NCALD: variants seen among roughly 807,000 people sequenced by gnomAD.
NCALD encodes neurocalcin delta.
Under a neutral mutation model 18.6 loss-of-function variants are expected in NCALD, and 10 were observed. That is an observed-to-expected ratio of 0.54 (90% CI 0.33 to 0.91). NCALD has a LOEUF of 0.91. NCALD is among the 40% of genes least tolerant of loss of function. NCALD has a pLI of 0.03. For missense variants in NCALD, 184 were observed against 247.6 expected, an observed-to-expected ratio of 0.74 and a Z score of 1.72; for synonymous variants, 88 against 87.4, an observed-to-expected ratio of 1.01 and a Z score of -0.04.
At position 101,688,061 on chromosome 8, in the gene NCALD, T is replaced by C. The variant is rs1814543006; in HGVS notation, c.*1248A>G. On this transcript the variant is annotated 3_prime_UTR_variant, in exon 4 of 4. Transcript: ENST00000220931. ...TATTCCAGACCTGGCTCCCTAACCA[T>C]GCACATAGATTAAACCACTGGGAAG... 6.6e-6 allele frequency: 1 copy of C among 152,308 alleles called. No homozygotes were observed. The highest frequency in any genetic ancestry group is 1.5e-5 in the Non-Finnish European group (1 of 68,130). The allele number at this position is 152,308 out of a possible 1,614,324, so 9.4% of individuals were successfully genotyped here. A position where few individuals can be genotyped will look rare whatever the true frequency, so the allele number is the denominator to read the frequency against.
At chr8:101,803,028 G>A (rs1456365844) in intron 4 of NCALD, among the ~76,000 whole-genome samples, 1 of 151,978 alleles carries the variant, frequency 6.6e-6, no homozygotes, top group Admixed American at 6.6e-5. Context: ...GATTTTCAAT[G>A]TGGATGAAAT....
At chr8:102,015,555 A>G (rs1485388168) in intron 2 of NCALD, among the ~76,000 whole-genome samples, 1 of 152,226 alleles carries the variant, frequency 6.6e-6, no homozygotes. Flanking sequence ...ACACAGTTCT[A>G]CATCCATGTA....
At chr8:101,749,786 AG>A (rs1385983103) in intron 1 of NCALD, among the ~76,000 whole-genome samples, 1 of 152,150 alleles carries the variant, frequency 6.6e-6, no homozygotes, top group Non-Finnish European at 1.5e-5. Context: ...AGGTTGTTAA[AG>A]TCAAATATAT....
chr8:102,054,708 A>ATCC (rs1229297817), intron 1 of NCALD, among the ~76,000 whole-genome samples: 13 of 117,080 alleles, frequency 1.1e-4, no homozygotes, highest in Non-Finnish European at 2.2e-4. Flanking sequence ...ATAGATAGAT[A>ATCC]GATAGATAGA....
At chr8:102,029,110 T>C (rs1356097625) in intron 1 of NCALD, 2 of 152,086 alleles carry the variant, frequency 1.3e-5, no homozygotes, top group Non-Finnish European at 2.9e-5. Flanking sequence ...CAGATAGAGA[T>C]AGAAGAGAAA....
intron 2 of NCALD, among the ~76,000 whole-genome samples, chr8:101,696,412 G>A (rs556240821): frequency 6.6e-6 from 1 of 152,280 alleles, no homozygotes; most frequent in South Asian, 2.1e-4. Context: ...TTTGCCAGGA[G>A]GGTTAGGGTA....
rs531028669 is a variant in NCALD at position 101,690,604 on chromosome 8, T to G, written c.485-1198A>C. ...CAACAGAAACACCAACAAACATATC[T>G]TCTCCTCAGCCACAACTCCCTCCCC... is the stretch of plus-strand genomic sequence containing the variant. On this transcript the variant is annotated intron_variant, in intron 3 of 3. Coordinates refer to ENST00000220931, the MANE Select transcript of NCALD (RefSeq NM_032041.3). 138 of 985,406 alleles carry G rather than the reference T, an allele frequency of 1.4e-4. No individual in the cohort carries two copies. In the African/African-American group the frequency reaches 2.1e-3, roughly 15 times the overall value. The allele number at this position is 985,406 out of a possible 1,614,324, so 61.0% of individuals were successfully genotyped here.
chr8:101,699,987 A>C (rs1434595522), intron 2 of NCALD, among the ~76,000 whole-genome samples: 1 of 152,208 alleles, frequency 6.6e-6, no homozygotes. Flanking sequence ...TGAGCTAAGC[A>C]GTGGAGATAC....
intron 1 of NCALD, among the ~76,000 whole-genome samples, chr8:102,099,805 C>T (rs537645988): frequency 6.6e-6 from 1 of 151,794 alleles, no homozygotes; most frequent in Admixed American, 6.6e-5. Context: ...AAAACCCTAT[C>T]TCTACTAAAA....
chr8:102,115,024 A>C (rs1411004503), intron 1 of NCALD, among the ~76,000 whole-genome samples: 2 of 152,226 alleles, frequency 1.3e-5, no homozygotes, highest in Middle Eastern at 3.2e-3. Flanking sequence ...CACAGGCCCC[A>C]TACTCAGCAG....
intron 3 of NCALD, among the ~76,000 whole-genome samples, chr8:101,891,625 C>G (rs1411849605): frequency 6.6e-6 from 1 of 152,214 alleles, no homozygotes; most frequent in Admixed American, 6.5e-5. Context: ...CTAGGGAGTG[C>G]CAGACAGTGG....
chr8:101,740,204 C>T (rs1392435458), intron 1 of NCALD, among the ~76,000 whole-genome samples: 1 of 152,336 alleles, frequency 6.6e-6, no homozygotes, highest in Admixed American at 6.5e-5. Flanking sequence ...CTTTTAAACA[C>T]TCACTGTTAC....
chr8:101,979,869 C>A (rs762783500), intron 2 of NCALD, among the ~76,000 whole-genome samples: 5 of 152,170 alleles, frequency 3.3e-5, no homozygotes, highest in Non-Finnish European at 7.3e-5. Flanking sequence ...AGTCTAGATG[C>A]CCCAGAGACC....
At chr8:101,921,767 CTTA>C (rs1417664356) in intron 2 of NCALD, among the ~76,000 whole-genome samples, 48 of 152,204 alleles carry the variant, frequency 3.2e-4, no homozygotes, top group Non-Finnish European at 4.4e-4. Flanking sequence ...TTTTTCCTTA[CTTA>C]TAATAACCTG....
At chr8:101,922,933 T>C (rs1818216252) in intron 2 of NCALD, among the ~76,000 whole-genome samples, 3 of 152,118 alleles carry the variant, frequency 2.0e-5, no homozygotes, top group Admixed American at 2.0e-4. Flanking sequence ...TATTTCTCTC[T>C]CTCTCAAAAT....
intron 4 of NCALD, among the ~76,000 whole-genome samples, chr8:101,866,502 T>C (rs901012769): frequency 6.6e-6 from 1 of 152,236 alleles, no homozygotes; most frequent in African/African-American, 2.4e-5. Flanking sequence ...GCATGTCTAA[T>C]AGATGTTTAG....
intron 1 of NCALD, among the ~76,000 whole-genome samples, chr8:101,779,313 C>A (rs963172489): frequency 1.3e-5 from 2 of 151,984 alleles, no homozygotes; most frequent in Non-Finnish European, 2.9e-5. Flanking sequence ...GCACAGAGGG[C>A]TTAGTAGAGA....
intron 4 of NCALD, among the ~76,000 whole-genome samples, chr8:101,796,456 G>T (rs1812642157): frequency 6.6e-6 from 1 of 152,040 alleles, no homozygotes; most frequent in Non-Finnish European, 1.5e-5. Context: ...AAAATATATG[G>T]CAAACTGGAG....
At chr8:101,810,157 T>G (rs144959577) in intron 4 of NCALD, among the ~76,000 whole-genome samples, 64 of 152,296 alleles carry the variant, frequency 4.2e-4, no homozygotes, top group Non-Finnish European at 5.9e-4. Context: ...TGCTGTGTTA[T>G]AATAGAGAGA....
Sources: gnomAD v4.1 joint callset for allele counts (sites outside exome capture counted in the v4.1 genomes callset) on GRCh38, gnomAD v4.1.1 for gene constraint, MANE v1.5 for transcripts, NCBI Gene and HGNC (gene_info 2026-07-23, HGNC 2026-07-21) for gene names.